Variants in BBS9 observed in about 807,000 individuals in gnomAD.
BBS9 encodes the protein Bardet-Biedl syndrome 9.
Under a neutral mutation model 117.7 loss-of-function variants are expected in BBS9, and 89 were observed. The ratio of observed to expected loss-of-function variants is 0.76; its 90% CI spans 0.64 to 0.90. BBS9 has a LOEUF of 0.90. Ranked by LOEUF, BBS9 falls within the 40% of genes least tolerant of loss-of-function variation. The pLI is 0.00. For missense variants in BBS9, 982 were observed against 1,042.2 expected (o/e 0.94, Z 0.80); for synonymous variants, 379 against 370.9 (o/e 1.02, Z -0.25).
chr7:33,556,434 G>A (rs1300360551), intron 21 of BBS9, among the ~76,000 whole-genome samples: 2 of 152,086 alleles, frequency 1.3e-5, no homozygotes, highest in African/African-American at 4.8e-5. Context: ...CTAAATTTGT[G>A]TCTTTAATAG....
At chr7:33,458,293 T>TA (rs1838946104) in intron 19 of BBS9, among the ~76,000 whole-genome samples, 1 of 152,162 alleles carries the variant, frequency 6.6e-6, no homozygotes, top group African/African-American at 2.4e-5. Flanking sequence ...ATGTAAAAGA[T>TA]AAAAACAGGC....
chr7:33,144,112 G>C (rs752496579), intron 1 of BBS9, among the ~76,000 whole-genome samples: 2 of 152,134 alleles, frequency 1.3e-5, no homozygotes, highest in Non-Finnish European at 2.9e-5. Flanking sequence ...GTACAGAGAT[G>C]TTCAGTAACT....
rs1295694044 is a variant in BBS9, at chr7:33,257,341, C to T, written c.548C>T (p.Pro183Leu). 1 of 1,613,894 alleles carries T rather than the reference C, an allele frequency of 6.2e-7. No homozygotes were observed. Among genetic ancestry groups the T allele is most frequent in the Non-Finnish European group, 8.5e-7 (1 of 1,179,868 alleles). The change falls in exon 6 of 23, where the codon CCT becomes CTT. Residue 183 changes from proline (P) to leucine (L), a missense_variant. Transcript: ENST00000242067. ...CTCCCTGGCTTTCTTCTGCCTGGTC[C>T]TCTTGCCTACAGTTCCCGTACAGAT... ...RFLPGFLLPG[P>L]LAYSSRTDSF...
intron 21 of BBS9, among the ~76,000 whole-genome samples, chr7:33,571,708 C>G (rs1276233098): frequency 6.6e-6 from 1 of 152,014 alleles, no homozygotes; most frequent in Non-Finnish European, 1.5e-5. Flanking sequence ...GTAAGGTACA[C>G]TCAACTTCCA....
intron 19 of BBS9, among the ~76,000 whole-genome samples, chr7:33,445,070 G>A (rs1200128977): frequency 6.6e-6 from 1 of 152,114 alleles, no homozygotes; most frequent in Non-Finnish European, 1.5e-5. Context: ...GAAAGGAGAG[G>A]AAGAAGAAGA....
intron 5 of BBS9, among the ~76,000 whole-genome samples, chr7:33,211,474 CT>C (rs899383041): frequency 7.0e-6 from 1 of 143,386 alleles, no homozygotes; most frequent in Admixed American, 6.8e-5. Flanking sequence ...CATTCCCCTG[CT>C]TTTTTTTGTT....
At chr7:33,300,304 T>A (rs1806120223) in intron 9 of BBS9, among the ~76,000 whole-genome samples, 1 of 152,092 alleles carries the variant, frequency 6.6e-6, no homozygotes, top group East Asian at 1.9e-4. Flanking sequence ...GGGAAAGGGA[T>A]CCTTGGATGC....
rs796911496 is a variant in BBS9, at chr7:33,590,443, G to GT, written c.2522-14415dup. 4.4e-3 allele frequency among the ~76,000 whole-genome samples: 385 copies of GT among 88,152 alleles called. 3 individuals carry two copies. Among genetic ancestry groups the GT allele is most frequent in the African/African-American group, 0.029 (356 of 12,442 alleles). 57.8% of individuals were successfully genotyped at this position (88,152 alleles called of 152,430 possible). A position where few individuals can be genotyped will look rare whatever the true frequency, so the allele number is the denominator to read the frequency against. Reference sequence around the variant, plus strand: ...TGTTATTTCTTACTGGCCACTGTTTGTTTTTTTGTTTTTTTGTTTTTTTTT... The same window carrying GT: ...TGTTATTTCTTACTGGCCACTGTTTGTTTTTTTTGTTTTTTTGTTTTTTTTT... On this transcript the variant is annotated intron_variant, in intron 21 of 22. Coordinates refer to ENST00000242067, the MANE Select transcript of BBS9 (RefSeq NM_198428.3).
intron 19 of BBS9, among the ~76,000 whole-genome samples, chr7:33,409,894 A>G (rs1830797195): frequency 6.6e-6 from 1 of 151,776 alleles, no homozygotes; most frequent in African/African-American, 2.4e-5. Flanking sequence ...ATCTTCCTTT[A>G]TGGAAGCTTC....
chr7:33,403,101 T>C (rs1829213718), intron 19 of BBS9, among the ~76,000 whole-genome samples: 1 of 151,956 alleles, frequency 6.6e-6, no homozygotes, highest in African/African-American at 2.4e-5. Flanking sequence ...AAAAATAATT[T>C]CAACTTTTAT....
rs185821293 is a variant in BBS9, at chr7:33,247,133, T to G, written c.443-10103T>G. Among the ~76,000 whole-genome samples the G allele has an allele frequency of 2.1e-4, 32 of 152,282 alleles. 2 individuals carry two copies. The East Asian group carries it at 6.2e-3, about 29-fold the overall frequency. ...ATGTTAAATTTTATCCATTTTTCTC[T>G]GAAAGAATTTTTTCCCTTGATTTTT... On this transcript the variant is annotated intron_variant, in intron 5 of 22. Coordinates refer to ENST00000242067, the MANE Select transcript of BBS9 (RefSeq NM_198428.3).
At chr7:33,152,942 ATGAAT>A (rs1236591658) in intron 3 of BBS9, 91 bp downstream of exon 3, 1 of 1,389,236 alleles carries the variant, frequency 7.2e-7, no homozygotes, top group Non-Finnish European at 1.0e-6. Context: ...AAGACTATCC[ATGAAT>A]TAAATATATT....
At chr7:33,378,433 G>A (rs558778686) in intron 17 of BBS9, among the ~76,000 whole-genome samples, 1 of 152,108 alleles carries the variant, frequency 6.6e-6, no homozygotes, top group South Asian at 2.1e-4. Context: ...CCTTTGATTT[G>A]TCTCTTTCCT....
At chr7:33,583,175 A>G (rs1031346) in intron 21 of BBS9, among the ~76,000 whole-genome samples, 61,110 of 152,014 alleles carry the variant, frequency 0.4, 16,897 homozygotes, top group African/African-American at 0.78. Context: ...ATTTAGCACC[A>G]TGCCTGACAA....
At chr7:33,537,111 G>A (rs1404995729) in intron 21 of BBS9, among the ~76,000 whole-genome samples, 7 of 152,110 alleles carry the variant, frequency 4.6e-5, no homozygotes, top group African/African-American at 1.4e-4. Context: ...CTGAGGTAAC[G>A]AAGGTCTAAG....
intron 19 of BBS9, among the ~76,000 whole-genome samples, chr7:33,476,541 G>A (rs1841826805): frequency 6.6e-6 from 1 of 152,154 alleles, no homozygotes; most frequent in African/African-American, 2.4e-5. Context: ...AAACAAACCT[G>A]GACCCCTGGG....
At chr7:33,465,842 A>T (rs1477181823) in intron 19 of BBS9, among the ~76,000 whole-genome samples, 1 of 152,144 alleles carries the variant, frequency 6.6e-6, no homozygotes, top group Non-Finnish European at 1.5e-5. Context: ...TGTTGCTGAC[A>T]GTTAACTGGA....
chr7:33,310,355 T>TA (rs1808948361), intron 9 of BBS9, among the ~76,000 whole-genome samples: 1 of 151,890 alleles, frequency 6.6e-6, no homozygotes, highest in Non-Finnish European at 1.5e-5. Flanking sequence ...ATATAGATTT[T>TA]TAAAAAAAAC....
At chr7:33,412,381 A>T (rs902350847) in intron 19 of BBS9, among the ~76,000 whole-genome samples, 7 of 152,086 alleles carry the variant, frequency 4.6e-5, no homozygotes, top group African/African-American at 1.4e-4. Flanking sequence ...ACATTTGTTG[A>T]GCTCTCTGGT....
Sources: gnomAD v4.1 joint callset for allele counts (sites outside exome capture counted in the v4.1 genomes callset) on GRCh38, gnomAD v4.1.1 for gene constraint, MANE v1.5 for transcripts, NCBI Gene and HGNC (gene_info 2026-07-23, HGNC 2026-07-21) for gene names.